The following PML variants were observed in gnomAD, a reference collection of about 807,000 sequenced individuals.
PML encodes PML nuclear body scaffold.
PML carries 28 observed loss-of-function variants against 65.2 expected under a neutral mutation model. The observed-to-expected ratio is 0.43, with a 90% CI of 0.32 to 0.59. PML has a LOEUF of 0.59. Ranked by LOEUF, PML falls within the 20% of genes least tolerant of loss-of-function variation. The pLI, the probability that PML is intolerant of heterozygous loss-of-function variation, is 0.08. For synonymous variants in PML, 500 were observed against 508.8 expected (o/e 0.98, Z 0.23); for missense variants, 1,021 against 1,203.4 (o/e 0.85, Z 2.24).
chr15:73,999,364 G>T (rs143836797), intron 2 of PML, among the ~76,000 whole-genome samples: 1 of 152,316 alleles, frequency 6.6e-6, no homozygotes, highest in African/African-American at 2.4e-5. Flanking sequence ...TTTTTCGCTG[G>T]TTTTTGACAA....
At position 73,997,996 on chromosome 15, in the gene PML, T is replaced by C. The variant is rs1595874971; in HGVS notation, c.130-8T>C. On this transcript the variant is annotated splice_region_variant and splice_polypyrimidine_tract_variant and intron_variant, in intron 1 of 8. Transcript: ENST00000268058. ...CTCCAGGCCTCACCTGCCTCTCTGG[T>C]CCCCCAGCGAGCCCCCGCTTCGGAG... is the stretch of plus-strand genomic sequence containing the variant. The C allele has an allele frequency of 6.2e-7, 1 of 1,610,824 alleles. No individual in the cohort carries two copies. The highest frequency in any genetic ancestry group is 8.5e-7 in the Non-Finnish European group (1 of 1,178,948).
At chr15:74,030,030 G>A (rs1393614067) in intron 4 of PML, among the ~76,000 whole-genome samples, 6 of 152,146 alleles carry the variant, frequency 3.9e-5, no homozygotes, top group South Asian at 4.1e-4. Flanking sequence ...AGGACCCACC[G>A]CGGGGTTCTG....
In PML at chr15:74,035,398, A is replaced by G; in HGVS notation, c.1710+868A>G. The G allele has an allele frequency of 6.2e-7, 1 of 1,611,614 alleles. No individual in the cohort carries two copies. Among genetic ancestry groups the G allele is most frequent in the Non-Finnish European group, 8.5e-7 (1 of 1,179,902 alleles). The stretch of plus-strand genomic sequence containing the variant: ...CCTCACAGCGAGCCTCCTGATCACC[A>G]GGAGCGCCCTGCCGTCCACCGTGGG... On this transcript the variant is annotated intron_variant, in intron 7 of 8. Coordinates refer to ENST00000268058, the MANE Select transcript of PML (RefSeq NM_033238.3). This position sits in a 1 kb window ranked among gnomAD's most constrained non-coding sequence, Gnocchi z 4.1.
At chr15:74,015,364 A>T (rs1257217666) in intron 2 of PML, among the ~76,000 whole-genome samples, 1 of 152,202 alleles carries the variant, frequency 6.6e-6, no homozygotes, top group East Asian at 1.9e-4. Context: ...TAGTTACTTG[A>T]ATTTCCAAAA....
chr15:74,029,079 T>C (rs1245939106), intron 4 of PML, among the ~76,000 whole-genome samples: 1 of 152,154 alleles, frequency 6.6e-6, no homozygotes. Flanking sequence ...GGAATCACCA[T>C]GCTGTTTTCC....
rs768287851 is a variant in PML at position 74,022,258 on chromosome 15, ATTTC to A, written c.603-558_603-555del. On this transcript the variant is annotated intron_variant, in intron 2 of 8. Coordinates refer to ENST00000268058, the MANE Select transcript of PML (RefSeq NM_033238.3). Reference sequence around the variant, plus strand: ...AGGCGTGAGCCACCGCGCCCGGCCGATTTCTTTCTTTCTTTTTTTTTGAACAAAC... The same window carrying A: ...AGGCGTGAGCCACCGCGCCCGGCCGATTTCTTTCTTTTTTTTTGAACAAAC... Among the ~76,000 whole-genome samples the A allele has an allele frequency of 1.4e-4, 22 of 152,080 alleles. 1 individual carries two copies. The highest frequency in any genetic ancestry group is 8.3e-4 in the South Asian group (4 of 4,814).
intron 7 of PML, among the ~76,000 whole-genome samples, chr15:74,040,645 AG>A (rs2071675387): frequency 6.6e-6 from 1 of 152,200 alleles, no homozygotes; most frequent in African/African-American, 2.4e-5. Flanking sequence ...TTTAAGGCGG[AG>A]CAGGGGAGAA....
chr15:74,038,124 A>AC (rs1244762803), intron 7 of PML, among the ~76,000 whole-genome samples: 1 of 152,148 alleles, frequency 6.6e-6, no homozygotes, highest in East Asian at 1.9e-4. Context: ...TTCCTCTGAA[A>AC]TCTGGGCACT....
intron 7 of PML, chr15:74,036,481 A>C: frequency 2.5e-6 from 3 of 1,221,968 alleles, no homozygotes; most frequent in Non-Finnish European, 3.1e-6. Flanking sequence ...CCTATGCTGG[A>C]ACTCAGTTCT....
intron 7 of PML, among the ~76,000 whole-genome samples, chr15:74,039,437 A>G (rs1365082206): frequency 6.6e-6 from 1 of 152,260 alleles, no homozygotes; most frequent in East Asian, 1.9e-4. Context: ...CTGATGCTTA[A>G]GTGCTCAGAA....
At chr15:74,038,364 G>A (rs891055873) in intron 7 of PML, among the ~76,000 whole-genome samples, 2 of 151,934 alleles carry the variant, frequency 1.3e-5, no homozygotes, top group African/African-American at 4.8e-5. Context: ...TTAAGGGAGG[G>A]GGTAAAAGCA....
chr15:74,033,163 C>G lies in PML; in HGVS notation c.1406C>G (p.Ser469Cys). 6.2e-7 allele frequency: 1 copy of G among 1,614,082 alleles called. No individual in the cohort carries two copies. The highest frequency in any genetic ancestry group is 1.3e-5 in the African/African-American group (1 of 75,038). The change falls in exon 6 of 9, where the codon TCC (serine) becomes TGC (cysteine). Residue 469 changes from serine to cysteine, a missense_variant. Coordinates refer to ENST00000268058, the MANE Select transcript of PML (RefSeq NM_033238.3). ...IKGPSYGEDVSNTTTAQKRKC... is the reference protein window; with the variant it reads ...IKGPSYGEDVCNTTTAQKRKC... Reference sequence around the variant, plus strand: ...GTGACTCCCTCTATGCAGGATGTCTCCAATACAACGACAGCCCAGAAGAGG... The same window carrying G: ...GTGACTCCCTCTATGCAGGATGTCTGCAATACAACGACAGCCCAGAAGAGG...
chr15:74,004,264 C>T (rs1051599175), intron 2 of PML, among the ~76,000 whole-genome samples: 6 of 152,078 alleles, frequency 3.9e-5, no homozygotes, highest in Admixed American at 6.6e-5. Context: ...CACCTGCCAC[C>T]GTGCCTGGCT....
intron 3 of PML, among the ~76,000 whole-genome samples, chr15:74,024,105 G>C (rs1298588994): frequency 6.6e-6 from 1 of 152,062 alleles, no homozygotes; most frequent in Non-Finnish European, 1.5e-5. Context: ...CAAAATAAGG[G>C]GTAGGGGGAG....
At chr15:74,017,064 T>TG (rs1225970258) in intron 2 of PML, among the ~76,000 whole-genome samples, 2 of 151,984 alleles carry the variant, frequency 1.3e-5, no homozygotes, top group African/African-American at 4.8e-5. Flanking sequence ...CCCAAAGTGC[T>TG]GGGATTACAG....
chr15:74,010,501 A>G (rs1029929376), intron 2 of PML, among the ~76,000 whole-genome samples: 6 of 143,562 alleles, frequency 4.2e-5, no homozygotes, highest in Admixed American at 2.9e-4. Flanking sequence ...TGGGCAACAG[A>G]GCGAGGCCTT....
intron 2 of PML, among the ~76,000 whole-genome samples, chr15:74,006,932 C>T (rs1471841587): frequency 6.6e-6 from 1 of 152,190 alleles, no homozygotes; most frequent in African/African-American, 2.4e-5. Context: ...TTACTCTTTA[C>T]CACGGGATGG....
chr15:74,033,788 A>G, intron 6 of PML: 1 of 567,858 alleles, frequency 1.8e-6, no homozygotes, highest in Non-Finnish European at 3.1e-6. Flanking sequence ...CATGACCTTA[A>G]CTCTGCTCTC....
chr15:74,044,488 C>T lies in PML; in HGVS notation c.2129C>T (p.Ala710Val). 2.5e-6 allele frequency: 4 copies of T among 1,614,118 alleles called. No homozygotes were observed. Among genetic ancestry groups the T allele is most frequent in the Non-Finnish European group, 3.4e-6 (4 of 1,180,000 alleles). The change falls in exon 9 of 9, where the codon GCC becomes GTC. Residue 710 changes from alanine (A) to valine (V), a missense_variant. Physicochemically the swap from Ala to Val is moderately conservative, Grantham distance 64. Coordinates refer to ENST00000268058, the MANE Select transcript of PML (RefSeq NM_033238.3). ...GAGGCCATCTCGGGCTTCCTGGCTG[C>T]CCTGCCTCTCATCCGGGAGCGTGTG... is the stretch of plus-strand genomic sequence containing the variant. ...FQEAISGFLA[A>V]LPLIRERVPG...
Sources: gnomAD v4.1 joint callset for allele counts (sites outside exome capture counted in the v4.1 genomes callset) on GRCh38, gnomAD v4.1.1 for gene constraint, Gnocchi (gnomAD v3.1) non-coding constraint, MANE v1.5 for transcripts, NCBI Gene and HGNC (gene_info 2026-07-23, HGNC 2026-07-21) for gene names.